The following PIGN variants were observed in gnomAD, a reference collection of about 807,000 sequenced individuals.
PIGN encodes phosphatidylinositol glycan anchor biosynthesis class N.
In PIGN, 117 loss-of-function variants were observed where a neutral mutation model predicts 125.4. The ratio of observed to expected loss-of-function variants is 0.93; its 90% CI spans 0.80 to 1.09. The LOEUF (loss-of-function observed/expected upper bound fraction) is 1.09. Among genes scored for constraint, PIGN ranks in the 50% least tolerant of loss-of-function variants. The pLI is 0.00. For missense variants in PIGN, 1,075 were observed against 1,094.9 expected, an observed-to-expected ratio of 0.98 and a Z score of 0.26; for synonymous variants, 392 against 377.8, an observed-to-expected ratio of 1.04 and a Z score of -0.44.
intron 7 of PIGN, among the ~76,000 whole-genome samples, chr18:62,150,275 C>T (rs762732534): frequency 7.2e-5 from 11 of 152,308 alleles, no homozygotes; most frequent in African/African-American, 2.2e-4. Flanking sequence ...TGAGCCACCG[C>T]GCCCAGCCTC....
intron 1 of PIGN, among the ~76,000 whole-genome samples, chr18:62,182,631 C>G (rs185662830): frequency 1.4e-3 from 210 of 152,330 alleles, no homozygotes; most frequent in Non-Finnish European, 2.0e-3. Flanking sequence ...CCCCTATATA[C>G]TCTAACCCTT....
Position 62,072,675 on chromosome 18 carries a change from T to C in PIGN, c.2670A>G (p.Thr890=). 1 of 1,605,504 alleles carries C rather than the reference T, an allele frequency of 6.2e-7. No homozygotes were observed. Among genetic ancestry groups the C allele is most frequent in the Non-Finnish European group, 8.5e-7 (1 of 1,175,302 alleles). Reference sequence around the variant, plus strand: ...ATGCATGACCATATATACTATACCTTGTCCCAATATCAAGCCAGCTGCCAT... The same window carrying C: ...ATGCATGACCATATATACTATACCTCGTCCCAATATCAAGCCAGCTGCCAT... ...KDYGSWLDIG[T]SISHYVIVMS... Residue 890 remains threonine (T), a splice_region_variant and synonymous_variant, in exon 30 of 31, where the codon ACA becomes ACG. Transcript: ENST00000640252.
chr18:62,029,554 T>C (rs2030166059), intron 23 of PIGN, among the ~76,000 whole-genome samples: 1 of 152,182 alleles, frequency 6.6e-6, no homozygotes, highest in Non-Finnish European at 1.5e-5. Flanking sequence ...AATCTGAAAA[T>C]TTAATGAGGA....
chr18:62,070,393 G>A (rs565971758), intron 30 of PIGN: 1 of 398,510 alleles, frequency 2.5e-6, no homozygotes, highest in South Asian at 1.3e-4. Context: ...TACGTACCAA[G>A]CACGTATGGC....
At chr18:62,061,306 C>T (rs998470260) in intron 30 of PIGN, among the ~76,000 whole-genome samples, 1 of 151,870 alleles carries the variant, frequency 6.6e-6, no homozygotes, top group African/African-American at 2.4e-5. Context: ...ATGGCAATCA[C>T]CACAACACTA....
intron 6 of PIGN, among the ~76,000 whole-genome samples, chr18:62,155,846 A>T (rs2036711501): frequency 6.6e-6 from 1 of 152,170 alleles, no homozygotes; most frequent in South Asian, 2.1e-4. Context: ...ACCAGCTCCC[A>T]AAAAAACGAA....
chr18:62,036,821 C>T (rs1053644837), downstream of PIGN, among the ~76,000 whole-genome samples: 16 of 152,290 alleles, frequency 1.1e-4, 1 homozygote, highest in Admixed American at 5.2e-4. Context: ...TTCAACTGCC[C>T]ATAACTTTCA....
Position 62,086,508 on chromosome 18 carries a change from T to C in PIGN, c.2371-1244A>G, listed in dbSNP as rs535865598. 1.1e-4 allele frequency among the ~76,000 whole-genome samples: 16 copies of C among 152,032 alleles called. No individual in the cohort carries two copies. In the South Asian group the frequency reaches 3.3e-3, roughly 32 times the overall value. On this transcript the variant is annotated intron_variant, in intron 25 of 30. Coordinates refer to ENST00000640252, the MANE Select transcript of PIGN (RefSeq NM_176787.5). Reference sequence around the variant, plus strand: ...GGTGCACGCCTATAGTCCCAGCTACTCAGGAGGCTGAGGCAGGAGAATCAC... The same window carrying C: ...GGTGCACGCCTATAGTCCCAGCTACCCAGGAGGCTGAGGCAGGAGAATCAC...
At chr18:62,070,083 G>A in intron 30 of PIGN, 1 of 210,264 alleles carries the variant, frequency 4.8e-6, no homozygotes, top group Non-Finnish European at 9.4e-6. Context: ...CTTATTAGAT[G>A]CCAGGCACTA....
intron 4 of PIGN, 32 bp downstream of exon 4, chr18:62,161,101 A>C: frequency 7.2e-7 from 1 of 1,385,808 alleles, no homozygotes; most frequent in Non-Finnish European, 1.0e-6. Flanking sequence ...TAACATTTTA[A>C]GAGATGTCTC....
chr18:62,132,982 T>C (rs2035796607), intron 14 of PIGN, among the ~76,000 whole-genome samples: 1 of 152,208 alleles, frequency 6.6e-6, no homozygotes, highest in Admixed American at 6.5e-5. Flanking sequence ...ACTTAGGATT[T>C]TTCAGCTAAC....
rs2030400048 is a variant in PIGN at position 62,042,055 on chromosome 18, TCAC to T, written c.*3798_*3800del. On this transcript the variant is annotated 3_prime_UTR_variant, in exon 31 of 31. Transcript: ENST00000640252. Reference sequence around the variant, plus strand: ...ACTCTTTTCAGCTGGGTGAGGCAGCTCACGCCTGTAATCCCAGCACTTTGGGAG... The same window carrying T: ...ACTCTTTTCAGCTGGGTGAGGCAGCTGCCTGTAATCCCAGCACTTTGGGAG... The T allele has an allele frequency of 6.6e-6, 1 of 152,158 alleles. No individual in the cohort carries two copies. The highest frequency in any genetic ancestry group is 1.5e-5 in the Non-Finnish European group (1 of 68,042). 9.4% of individuals were successfully genotyped at this position (152,158 alleles called of 1,614,324 possible).
chr18:62,030,270 A>G (rs1434607392), intron 23 of PIGN, among the ~76,000 whole-genome samples: 1 of 152,210 alleles, frequency 6.6e-6, no homozygotes, highest in Non-Finnish European at 1.5e-5. Flanking sequence ...GGTATGTCTA[A>G]CTTACGCCAA....
chr18:62,090,017 A>T (rs770349163), intron 24 of PIGN, among the ~76,000 whole-genome samples: 7 of 152,184 alleles, frequency 4.6e-5, no homozygotes, highest in Non-Finnish European at 4.4e-5. Context: ...AGGCAGCAGA[A>T]TAAGCAATTT....
intron 8 of PIGN, among the ~76,000 whole-genome samples, chr18:62,147,500 T>C (rs4941113): frequency 0.56 from 85,739 of 152,052 alleles, 24,943 homozygotes; most frequent in East Asian, 0.67. Flanking sequence ...TATAATATCA[T>C]GTTTTGAACA....
chr18:62,154,640 C>G lies in PIGN; in HGVS notation c.454G>C (p.Asp152His), dbSNP rs896820283. Residue 152 changes from aspartate to histidine, a missense_variant, in exon 7 of 31, where the codon GAC becomes CAC. Physicochemically the swap from Asp to His is moderately conservative, Grantham distance 81. Transcript: ENST00000640252. Reference protein sequence around the residue: ...LPMFAKGASGDHVYTYSYDAK... With the variant: ...LPMFAKGASGHHVYTYSYDAK... ...TCATAACTATATGTATAAACGTGGT[C>G]TCCACTAGCACCTGAAAAGAAAATT... 6.7e-7 allele frequency: 1 copy of G among 1,494,618 alleles called. No homozygotes were observed. The highest frequency in any genetic ancestry group is 9.3e-7 in the Non-Finnish European group (1 of 1,075,526). 92.6% of individuals were successfully genotyped at this position (1,494,618 alleles called of 1,614,324 possible).
intron 28 of PIGN, among the ~76,000 whole-genome samples, chr18:62,080,843 A>G (rs2033414867): frequency 6.6e-6 from 1 of 152,186 alleles, no homozygotes; most frequent in Non-Finnish European, 1.5e-5. Flanking sequence ...CATTGCTTAC[A>G]TCCATAAGCA....
intron 22 of PIGN, among the ~76,000 whole-genome samples, chr18:62,099,090 A>G (rs1224813607): frequency 6.6e-6 from 1 of 152,072 alleles, no homozygotes; most frequent in Non-Finnish European, 1.5e-5. Flanking sequence ...CAAGCCTACG[A>G]GTCATGTTAG....
chr18:62,078,200 C>A (rs568248936), intron 28 of PIGN, among the ~76,000 whole-genome samples: 8 of 152,258 alleles, frequency 5.3e-5, no homozygotes, highest in African/African-American at 1.9e-4. Flanking sequence ...GTCTGAGTTA[C>A]CTAACTTAGC....
Sources: gnomAD v4.1 joint callset for allele counts (sites outside exome capture counted in the v4.1 genomes callset) on GRCh38, gnomAD v4.1.1 for gene constraint, MANE v1.5 for transcripts, NCBI Gene and HGNC (gene_info 2026-07-23, HGNC 2026-07-21) for gene names.